Variants in RREB1 observed in about 807,000 individuals in gnomAD.
RREB1 encodes the protein ras responsive element binding protein 1.
A neutral mutation model predicts 117.8 loss-of-function variants in RREB1; 27 were observed. That is an observed-to-expected ratio of 0.23 (90% CI 0.17 to 0.32). The LOEUF is 0.32. RREB1 is among the 10% of genes least tolerant of loss of function. The pLI is 1.00. For synonymous variants in RREB1, 1,298 were observed against 1,026.7 expected (o/e 1.26, Z -5.05); for missense variants, 2,577 against 2,378.2 (o/e 1.08, Z -1.74).
chr6:7,230,488 GC>G lies in RREB1; in HGVS notation c.2391del (p.Ala798ArgfsTer115). ...GCCCTTCGAGTGCAAGGAGTGCAGCGCCGCGTTCGCGGCCAAGCGCAACTGC... is the reference window on the plus strand; with the variant it reads ...GCCCTTCGAGTGCAAGGAGTGCAGCGCGCGTTCGCGGCCAAGCGCAACTGC... The part of the protein sequence containing the change: ...RKPFECKECS[A>X]AFAAKRNCIH... On this transcript the variant is annotated frameshift_variant, in exon 10 of 13. Coordinates refer to ENST00000379938, the MANE Select transcript of RREB1 (RefSeq NM_001003699.4). LOFTEE classifies it high-confidence loss of function. The G allele has an allele frequency of 6.3e-7, 1 of 1,593,796 alleles. No individual in the cohort carries two copies. Among genetic ancestry groups the G allele is most frequent in the Non-Finnish European group, 8.5e-7 (1 of 1,177,074 alleles).
At chr6:7,208,357 G>A (rs1385855408) in intron 6 of RREB1, among the ~76,000 whole-genome samples, 1 of 152,172 alleles carries the variant, frequency 6.6e-6, no homozygotes, top group Non-Finnish European at 1.5e-5. Context: ...GCAGTGGGGA[G>A]AATCTCTCAC....
At chr6:7,174,349 A>G (rs1332437466) in intron 1 of RREB1, among the ~76,000 whole-genome samples, 7 of 152,082 alleles carry the variant, frequency 4.6e-5, no homozygotes, top group Non-Finnish European at 1.0e-4. Flanking sequence ...TTTACACCCA[A>G]GGGCAAGAGG....
intron 6 of RREB1, among the ~76,000 whole-genome samples, chr6:7,195,026 T>C (rs1765598180): frequency 6.6e-6 from 1 of 152,202 alleles, no homozygotes; most frequent in Non-Finnish European, 1.5e-5. Context: ...GTAGTGCTTG[T>C]TAAATGGTAC....
At chr6:7,115,202 A>G (rs1581400319) in intron 1 of RREB1, among the ~76,000 whole-genome samples, 1 of 151,842 alleles carries the variant, frequency 6.6e-6, no homozygotes, top group African/African-American at 2.4e-5. Flanking sequence ...TGTGGTTGGG[A>G]GGGATAGGGA....
intron 1 of RREB1, among the ~76,000 whole-genome samples, chr6:7,151,372 G>A (rs147122219): frequency 1.3e-5 from 2 of 152,168 alleles, no homozygotes; most frequent in South Asian, 4.1e-4. Context: ...TCAAGGAAAA[G>A]TGGACAATGC....
At chr6:7,181,482 A>G in intron 3 of RREB1, 2 of 429,404 alleles carry the variant, frequency 4.7e-6, no homozygotes, top group Non-Finnish European at 8.1e-6. Context: ...TAGGTCTGGA[A>G]CATTTGTGTA....
chr6:7,118,269 T>C (rs561271666), intron 1 of RREB1, among the ~76,000 whole-genome samples: 6 of 152,214 alleles, frequency 3.9e-5, no homozygotes, highest in African/African-American at 1.2e-4. Context: ...TACAGGCGCA[T>C]GCCACCACAC....
At chr6:7,189,682 G>A (rs1199587247) in intron 6 of RREB1, among the ~76,000 whole-genome samples, 1 of 152,208 alleles carries the variant, frequency 6.6e-6, no homozygotes, top group African/African-American at 2.4e-5. Context: ...ATTTGCATAT[G>A]CCTACCAGAT....
At chr6:7,241,306 A>G (rs1279777443) in intron 11 of RREB1, among the ~76,000 whole-genome samples, 1 of 152,056 alleles carries the variant, frequency 6.6e-6, no homozygotes, top group Admixed American at 6.5e-5. Flanking sequence ...CTCTATCAGT[A>G]CACTCCATCC....
intron 4 of RREB1, among the ~76,000 whole-genome samples, chr6:7,186,107 G>T (rs1290972519): frequency 6.6e-6 from 1 of 152,180 alleles, no homozygotes; most frequent in East Asian, 1.9e-4. Context: ...AAAGATGCCC[G>T]AGGATAGGAA....
At chr6:7,176,169 G>C (rs937480070) in intron 1 of RREB1, among the ~76,000 whole-genome samples, 1 of 152,190 alleles carries the variant, frequency 6.6e-6, no homozygotes, top group Non-Finnish European at 1.5e-5. Flanking sequence ...GCTCAGTCTT[G>C]GCCTCCCAAA....
chr6:7,183,748 G>C (rs1016719308), intron 4 of RREB1: 39 of 152,140 alleles, frequency 2.6e-4, no homozygotes, highest in African/African-American at 8.7e-4. Context: ...GTCCTGGCCA[G>C]AGGTAGCCTG....
In RREB1 at chr6:7,170,318, A is replaced by G. The variant is rs139124440; in HGVS notation, c.-284-6337A>G. The stretch of plus-strand genomic sequence containing the variant: ...TTCCAAGGCTGTAAGAGGGAACCCC[A>G]GGGCTGCGTGTCTCCCCTTGAGGTC... On this transcript the variant is annotated intron_variant, in intron 1 of 12. Transcript: ENST00000379938. Among the ~76,000 whole-genome samples, 77 of 152,316 alleles carry G rather than the reference A, an allele frequency of 5.1e-4. 1 individual carries two copies. In the East Asian group the frequency reaches 0.012, roughly 24 times the overall value.
intron 2 of RREB1, among the ~76,000 whole-genome samples, chr6:7,178,378 T>C (rs915607481): frequency 5.3e-5 from 8 of 152,236 alleles, no homozygotes; most frequent in Admixed American, 2.0e-4. Flanking sequence ...TGTTCCAAAA[T>C]TGTCCAGGAT....
At chr6:7,245,740 C>A (rs960752141) in intron 11 of RREB1, among the ~76,000 whole-genome samples, 1 of 152,204 alleles carries the variant, frequency 6.6e-6, no homozygotes, top group Non-Finnish European at 1.5e-5. Context: ...CCGCTCCCCT[C>A]ACTGTGTGCT....
At position 7,189,212 on chromosome 6, in the gene RREB1, A is replaced by G; in HGVS notation, c.315A>G (p.Ser105=). The G allele has an allele frequency of 6.2e-7, 1 of 1,613,724 alleles. No individual in the cohort carries two copies. Among genetic ancestry groups the G allele is most frequent in the South Asian group, 1.1e-5 (1 of 91,034 alleles). The change falls in exon 6 of 13, where the codon TCA becomes TCG. Residue 105 remains serine (S), a synonymous_variant. Coordinates refer to ENST00000379938, the MANE Select transcript of RREB1 (RefSeq NM_001003699.4). ...ADHSCSICGK[S]LSSASSLDRH... ...ACTCATGCAGCATCTGCGGAAAGTC[A>G]CTGAGCTCGGCCAGCTCCCTCGATC...
chr6:7,158,865 CT>C (rs369346517), intron 1 of RREB1, among the ~76,000 whole-genome samples: 61 of 148,966 alleles, frequency 4.1e-4, no homozygotes, highest in South Asian at 2.8e-3. Context: ...TTTTCAGACT[CT>C]TTTTTTTTTA....
chr6:7,114,643 C>G (rs1761307769), intron 1 of RREB1, among the ~76,000 whole-genome samples: 3 of 152,182 alleles, frequency 2.0e-5, no homozygotes. Flanking sequence ...TACAAGTCCA[C>G]TGGGTGCGCT....
At chr6:7,114,531 G>C (rs1021307724) in intron 1 of RREB1, among the ~76,000 whole-genome samples, 1 of 151,828 alleles carries the variant, frequency 6.6e-6, no homozygotes, top group Non-Finnish European at 1.5e-5. Flanking sequence ...CAAAGATGCT[G>C]TTCCACATCT....
Sources: allele counts gnomAD v4.1 joint callset (sites outside exome capture counted in the v4.1 genomes callset), GRCh38; gene constraint gnomAD v4.1.1; transcripts MANE v1.5; gene names NCBI Gene and HGNC (gene_info 2026-07-23, HGNC 2026-07-21).